The following LMO1 variants were observed in gnomAD, a reference collection of about 807,000 sequenced individuals.
LMO1 encodes LIM domain only 1.
A neutral mutation model predicts 18.0 loss-of-function variants in LMO1; 10 were observed. The observed-to-expected ratio is 0.55, with a 90% CI of 0.34 to 0.94. The LOEUF is 0.94. Among genes scored for constraint, LMO1 ranks in the 40% least tolerant of loss-of-function variants. LMO1 has a pLI of 0.02. For missense variants in LMO1, 183 were observed against 205.7 expected, an observed-to-expected ratio of 0.89 and a Z score of 0.68; for synonymous variants, 77 against 77.9, an observed-to-expected ratio of 0.99 and a Z score of 0.06.
In LMO1 at chr11:8,263,374, C is replaced by T. The variant is rs368070099; in HGVS notation, c.-12G>A. ...TCCAGCACCATCATCTCGGGCGCTC[C>T]GTGTCCAGCCGCAGCTAGGCTCGGC... On this transcript the variant is annotated 5_prime_UTR_variant, in exon 1 of 4. Coordinates refer to ENST00000335790, the MANE Select transcript of LMO1 (RefSeq NM_002315.3). 4.4e-6 allele frequency: 7 copies of T among 1,604,334 alleles called. No homozygotes were observed. The highest frequency in any genetic ancestry group is 1.7e-5 in the Admixed American group (1 of 59,798).
chr11:8,252,282 G>T (rs1203099429), intron 1 of LMO1, among the ~76,000 whole-genome samples: 1 of 152,186 alleles, frequency 6.6e-6, no homozygotes, highest in East Asian at 1.9e-4. Flanking sequence ...TTGTGAAGAT[G>T]AAATGAAAGA....
intron 1 of LMO1, among the ~76,000 whole-genome samples, chr11:8,251,479 C>A (rs77773507): frequency 2.0e-5 from 3 of 152,166 alleles, no homozygotes; most frequent in Admixed American, 2.0e-4. Context: ...CCAACAGCAG[C>A]GGGGAGGCTG....
intron 1 of LMO1, among the ~76,000 whole-genome samples, chr11:8,234,696 G>GC (rs1429961294): frequency 6.6e-6 from 1 of 152,184 alleles, no homozygotes; most frequent in Non-Finnish European, 1.5e-5. Flanking sequence ...GGCATCTGCA[G>GC]CCCCTCCCAC....
chr11:8,256,141 G>A (rs1026591600), intron 1 of LMO1, among the ~76,000 whole-genome samples: 7 of 152,196 alleles, frequency 4.6e-5, no homozygotes, highest in Middle Eastern at 3.2e-3. Context: ...GCACTTTTAA[G>A]TACGGGTTCA....
intron 1 of LMO1, among the ~76,000 whole-genome samples, chr11:8,244,337 G>A (rs774659286): frequency 1.6e-4 from 25 of 152,312 alleles, no homozygotes; most frequent in African/African-American, 4.1e-4. Flanking sequence ...GCAATAAAGC[G>A]TACCTGGGGA....
intron 1 of LMO1, among the ~76,000 whole-genome samples, chr11:8,256,120 C>T (rs1294804720): frequency 2.0e-5 from 3 of 152,200 alleles, no homozygotes; most frequent in Non-Finnish European, 4.4e-5. Flanking sequence ...CCACCGCGCC[C>T]GGCCAATGCT....
rs1847229092 is a variant in LMO1, at chr11:8,263,669, C to T, written c.-307G>A. On this transcript the variant is annotated 5_prime_UTR_variant, in exon 1 of 4. Coordinates refer to ENST00000335790, the MANE Select transcript of LMO1 (RefSeq NM_002315.3). Reference sequence around the variant, plus strand: ...GGATCAGAGCCGTTTCTTTGATTCTCACCTTCTAAATGGCTCAATTTGCCC... The same window carrying T: ...GGATCAGAGCCGTTTCTTTGATTCTTACCTTCTAAATGGCTCAATTTGCCC... 1 of 1,295,070 alleles carries T rather than the reference C, an allele frequency of 7.7e-7. No homozygotes were observed. The allele number at this position is 1,295,070 out of a possible 1,614,324, so 80.2% of individuals were successfully genotyped here. A position where few individuals can be genotyped will look rare whatever the true frequency, so the allele number is the denominator to read the frequency against.
chr11:8,237,477 G>A (rs919489218), intron 1 of LMO1, among the ~76,000 whole-genome samples: 1 of 152,136 alleles, frequency 6.6e-6, no homozygotes, highest in Admixed American at 6.5e-5. Context: ...CTATTCCAGG[G>A]CCTTGCCATG....
intron 1 of LMO1, among the ~76,000 whole-genome samples, chr11:8,250,826 G>A (rs1488428039): frequency 6.6e-6 from 1 of 152,180 alleles, no homozygotes; most frequent in Admixed American, 6.5e-5. Context: ...CAGTGCCTTA[G>A]TTTCCCCAGC....
chr11:8,232,191 G>A (rs370883676), intron 1 of LMO1, among the ~76,000 whole-genome samples: 13 of 152,234 alleles, frequency 8.5e-5, no homozygotes, highest in African/African-American at 1.2e-4. Context: ...CTGCAGTCCC[G>A]GCAGGGCCTG....
chr11:8,233,926 C>T (rs1001942064), intron 1 of LMO1, among the ~76,000 whole-genome samples: 13 of 152,176 alleles, frequency 8.5e-5, no homozygotes, highest in Admixed American at 2.0e-4. Context: ...AATGGCTTTG[C>T]GCTCCTTCAG....
chr11:8,237,316 G>C (rs1013111862), intron 1 of LMO1, among the ~76,000 whole-genome samples: 6 of 152,096 alleles, frequency 3.9e-5, no homozygotes, highest in Non-Finnish European at 5.9e-5. Flanking sequence ...CTTTAATAAG[G>C]AAATTTGAAA....
intron 1 of LMO1, among the ~76,000 whole-genome samples, chr11:8,262,770 A>T (rs1368594043): frequency 6.6e-6 from 1 of 152,140 alleles, no homozygotes; most frequent in African/African-American, 2.4e-5. Flanking sequence ...AGTCACGCTC[A>T]TGCAGATGTC....
intron 1 of LMO1, 145 bp from the exon 2 acceptor site, chr11:8,230,649 C>T (rs953621622): frequency 3.9e-6 from 3 of 767,784 alleles, no homozygotes; most frequent in Admixed American, 2.5e-5. Context: ...GCTTTCTCCC[C>T]AATAACCTCC....
chr11:8,248,142 A>G (rs919177187), intron 1 of LMO1, among the ~76,000 whole-genome samples: 3 of 152,240 alleles, frequency 2.0e-5, no homozygotes, highest in Admixed American at 6.5e-5. Context: ...ACCACAGTCC[A>G]TGCTTGTTAC....
chr11:8,243,596 C>T (rs1450063747), intron 1 of LMO1, among the ~76,000 whole-genome samples: 1 of 152,210 alleles, frequency 6.6e-6, no homozygotes, highest in Non-Finnish European at 1.5e-5. Context: ...CCGCAGGCTG[C>T]ATTATCCAGA....
intron 1 of LMO1, among the ~76,000 whole-genome samples, chr11:8,250,430 CAT>C (rs1368260059): frequency 6.6e-6 from 1 of 152,204 alleles, no homozygotes; most frequent in Non-Finnish European, 1.5e-5. Context: ...ATGTAGAAGG[CAT>C]ATTTTAGCAG....
chr11:8,233,147 G>A (rs1952699805), intron 1 of LMO1, among the ~76,000 whole-genome samples: 1 of 152,196 alleles, frequency 6.6e-6, no homozygotes, highest in Admixed American at 6.5e-5. Flanking sequence ...TCCTGGCTCT[G>A]GAGAACTCTT....
intron 1 of LMO1, among the ~76,000 whole-genome samples, chr11:8,241,484 C>T (rs1177181542): frequency 6.6e-6 from 1 of 152,190 alleles, no homozygotes; most frequent in Non-Finnish European, 1.5e-5. Flanking sequence ...CAGCCTGTAA[C>T]ATCTTCATGT....
Sources: allele counts gnomAD v4.1 joint callset (sites outside exome capture counted in the v4.1 genomes callset), GRCh38; gene constraint gnomAD v4.1.1; transcripts MANE v1.5; gene names NCBI Gene and HGNC (gene_info 2026-07-23, HGNC 2026-07-21).